The following SERPINF1 variants were observed in gnomAD, a reference collection of about 807,000 sequenced individuals.
The protein encoded by SERPINF1 is serpin family F member 1.
In SERPINF1, 29 loss-of-function variants were observed where a neutral mutation model predicts 37.3. The ratio of observed to expected loss-of-function variants is 0.78; its 90% CI spans 0.58 to 1.06. The LOEUF is 1.06. Ranked by LOEUF, SERPINF1 falls within the 50% of genes least tolerant of loss-of-function variation. SERPINF1 has a pLI of 0.00. For synonymous variants in SERPINF1, 281 were observed against 227.9 expected, an observed-to-expected ratio of 1.23 and a Z score of -2.10; for missense variants, 553 against 532.2, an observed-to-expected ratio of 1.04 and a Z score of -0.38.
chr17:1,777,422 G>T lies in SERPINF1; in HGVS notation c.1233G>T (p.Lys411Asn). 1.2e-6 allele frequency: 2 copies of T among 1,614,166 alleles called. No individual in the cohort carries two copies. The highest frequency in any genetic ancestry group is 1.7e-6 in the Non-Finnish European group (2 of 1,180,044). The change falls in exon 8 of 8, where the codon AAG becomes AAT. Residue 411 changes from lysine (K) to asparagine (N), a missense_variant. Lys to Asn is a moderately conservative substitution (Grantham distance 94). Transcript: ENST00000254722. The stretch of plus-strand genomic sequence containing the variant: ...CAGGGGCCCTTCTCTTCATTGGCAA[G>T]ATTCTGGACCCCAGGGGCCCCTAAT... ...TDTGALLFIGKILDPRGP is the reference protein window; with the variant it reads ...TDTGALLFIGNILDPRGP
rs1220463655 is a variant in SERPINF1, at chr17:1,775,050, C to T, written c.644-8C>T. On this transcript the variant is annotated splice_polypyrimidine_tract_variant and splice_region_variant and intron_variant, in intron 5 of 7. Coordinates refer to ENST00000254722, the MANE Select transcript of SERPINF1 (RefSeq NM_002615.7). ...GGGGCTCAGACTATGTCATACACTT[C>T]TTTCCAGGGCAGTGGGTAACAAAGT... 3 of 1,614,014 alleles carry T rather than the reference C, an allele frequency of 1.9e-6. No homozygotes were observed. Among genetic ancestry groups the T allele is most frequent in the Non-Finnish European group, 2.5e-6 (3 of 1,180,026 alleles).
At chr17:1,771,596 G>C in intron 4 of SERPINF1, 1 of 504,166 alleles carries the variant, frequency 2.0e-6, no homozygotes, top group Non-Finnish European at 3.6e-6. Flanking sequence ...TGTGGAGGAA[G>C]GGCCCGTGAG....
rs140055545 is a variant in SERPINF1, at chr17:1,769,935, G to A, written c.168G>A (p.Ala56=). ...AAGTCCCCGTGAACAAGCTGGCAGC[G>A]GCTGTCTCCAACTTCGGCTATGACC... ...FFKVPVNKLA[A]AVSNFGYDLY... is the part of the protein sequence containing the mutation. Residue 56 remains alanine (A), a synonymous_variant, in exon 3 of 8, where the codon GCG becomes GCA. Coordinates refer to ENST00000254722, the MANE Select transcript of SERPINF1 (RefSeq NM_002615.7). 636 of 1,614,074 alleles carry A rather than the reference G, an allele frequency of 3.9e-4. No individual in the cohort carries two copies. Among genetic ancestry groups the A allele is most frequent in the Non-Finnish European group, 5.1e-4 (604 of 1,180,038 alleles).
intron 2 of SERPINF1, among the ~76,000 whole-genome samples, chr17:1,769,286 G>A (rs977982557): frequency 2.6e-5 from 4 of 151,952 alleles, no homozygotes; most frequent in African/African-American, 7.2e-5. Flanking sequence ...GTGGGCGCCT[G>A]TAGTCCCAGC....
intron 6 of SERPINF1, chr17:1,776,305 TAGGCCAAGGTAAGAA>T: frequency 1.7e-6 from 1 of 593,636 alleles, no homozygotes. Flanking sequence ...CAGTTGGTAT[TAGGCCAAGGTAAGAA>T]AGGCCAACAG....
At chr17:1,770,984 G>C in intron 3 of SERPINF1, 45 bp from the exon 4 acceptor site, 1 of 1,612,876 alleles carries the variant, frequency 6.2e-7, no homozygotes, top group Non-Finnish European at 8.5e-7. Context: ...TTGATTTGGG[G>C]CCCTGGTGTG....
chr17:1,762,656 G>T (rs1907153141), intron 1 of SERPINF1, among the ~76,000 whole-genome samples: 1 of 152,210 alleles, frequency 6.6e-6, no homozygotes, highest in Non-Finnish European at 1.5e-5. Context: ...CGGCGCCCTG[G>T]CTGAGGGCTG....
At position 1,777,517 on chromosome 17, in the gene SERPINF1, C is replaced by T; in HGVS notation, c.*71C>T. ...CAGCAGATTCCACAGGACACGAAGG[C>T]TGCCCCTGTAAGGTTTCAATGCATA... On this transcript the variant is annotated 3_prime_UTR_variant, in exon 8 of 8. Transcript: ENST00000254722. 1 of 1,597,766 alleles carries T rather than the reference C, an allele frequency of 6.3e-7. No homozygotes were observed. The highest frequency in any genetic ancestry group is 8.6e-7 in the Non-Finnish European group (1 of 1,166,838).
chr17:1,773,114 G>C (rs995152070), intron 5 of SERPINF1, among the ~76,000 whole-genome samples: 11 of 152,198 alleles, frequency 7.2e-5, no homozygotes, highest in African/African-American at 2.4e-4. Context: ...AAGCTTACCT[G>C]CTTGTCATCA....
rs902098621 is a variant in SERPINF1 at position 1,769,880 on chromosome 17, C to T, written c.113C>T (p.Ala38Val). The change falls in exon 3 of 8, where the codon GCG becomes GTG. Residue 38 changes from alanine (A) to valine (V), a missense_variant. Transcript: ENST00000254722. ...EGSPDPDSTGALVEEEDPFFK... is the reference protein window; with the variant it reads ...EGSPDPDSTGVLVEEEDPFFK... The stretch of plus-strand genomic sequence containing the variant: ...TCCCCAGACCCCGACAGCACAGGGG[C>T]GCTGGTGGAGGAGGAGGATCCTTTC... The T allele has an allele frequency of 2.4e-5, 39 of 1,614,074 alleles. No homozygotes were observed. The African/African-American group carries it at 2.8e-4, about 12-fold the overall frequency.
chr17:1,775,384 G>C (rs191892768), intron 6 of SERPINF1, among the ~76,000 whole-genome samples, 184 bp downstream of exon 6: 2 of 152,074 alleles, frequency 1.3e-5, no homozygotes, highest in African/African-American at 4.8e-5. Context: ...GCAGGGGATC[G>C]TTACCAACAC....
rs984167129 is a variant in SERPINF1 at position 1,769,626 on chromosome 17, A to AT, written c.85-225dup. The AT allele has an allele frequency of 1.2e-5, 7 of 583,938 alleles. No individual in the cohort carries two copies. In the African/African-American group the frequency reaches 1.3e-4, roughly 11 times the overall value. The allele number at this position is 583,938 out of a possible 1,614,324, so 36.2% of individuals were successfully genotyped here. A position where few individuals can be genotyped will look rare whatever the true frequency, so the allele number is the denominator to read the frequency against. On this transcript the variant is annotated intron_variant, in intron 2 of 7. Transcript: ENST00000254722. ...GTGACACAGTAAGACTCTGTCTCAA[A>AT]TAAAAAAAAAACAGCTGATCTCTCT...
intron 3 of SERPINF1, chr17:1,770,780 G>A (rs936724422): frequency 6.2e-6 from 3 of 482,026 alleles, no homozygotes; most frequent in African/African-American, 3.9e-5. Context: ...TAAGGGCTAT[G>A]ATGGGAGAAG....
At chr17:1,768,239 G>T (rs1447518464) in intron 2 of SERPINF1, among the ~76,000 whole-genome samples, 1 of 151,918 alleles carries the variant, frequency 6.6e-6, no homozygotes, top group Non-Finnish European at 1.5e-5. Context: ...AGACCATCCT[G>T]GCTAACATGG....
At chr17:1,774,292 T>G (rs919364168) in intron 5 of SERPINF1, among the ~76,000 whole-genome samples, 42 of 152,156 alleles carry the variant, frequency 2.8e-4, no homozygotes, top group Non-Finnish European at 4.7e-4. Context: ...GGCTCCCAGG[T>G]TCAAGTGATT....
chr17:1,770,922 G>C lies in SERPINF1; in HGVS notation c.284-107G>C, dbSNP rs1037660714. 6 of 1,381,364 alleles carry C rather than the reference G, an allele frequency of 4.3e-6. No homozygotes were observed. In the African/African-American group the frequency reaches 8.5e-5, roughly 20 times the overall value. 85.6% of individuals were successfully genotyped at this position (1,381,364 alleles called of 1,614,324 possible). On this transcript the variant is annotated intron_variant, in intron 3 of 7. Transcript: ENST00000254722. ...TTGTCTTGAAGATCAGCCTACTTGG[G>C]CTCTCAGCAGACAAAAAAGATGAGT...
In SERPINF1 at chr17:1,774,955, C is replaced by T. The variant is rs540096316; in HGVS notation, c.644-103C>T. ...TCAGAGCCCCTGACAGCTAAGCTCCCTTGAGTGGGGCAATTTTCAACAACG... is the reference window on the plus strand; with the variant it reads ...TCAGAGCCCCTGACAGCTAAGCTCCTTTGAGTGGGGCAATTTTCAACAACG... On this transcript the variant is annotated intron_variant, in intron 5 of 7. Transcript: ENST00000254722. The T allele has an allele frequency of 2.0e-5, 30 of 1,481,966 alleles. 1 individual carries two copies. In the South Asian group the frequency reaches 3.2e-4, roughly 16 times the overall value. 91.8% of individuals were successfully genotyped at this position (1,481,966 alleles called of 1,614,324 possible).
rs1218922899 is a variant in SERPINF1, at chr17:1,776,627, C to T, written c.882C>T (p.Thr294=). ...TGACCTTGATAGAGGAGAGCCTCAC[C>T]TCCGAGTTCATTCATGACATAGACC... The part of the protein sequence containing the change: ...QNLTLIEESL[T]SEFIHDIDRE... The change falls in exon 7 of 8, where the codon ACC becomes ACT. Residue 294 remains threonine, a synonymous_variant. Coordinates refer to ENST00000254722, the MANE Select transcript of SERPINF1 (RefSeq NM_002615.7). 14 of 1,613,966 alleles carry T rather than the reference C, an allele frequency of 8.7e-6. No individual in the cohort carries two copies. The highest frequency in any genetic ancestry group is 1.2e-5 in the Non-Finnish European group (14 of 1,180,042).
At chr17:1,767,115 C>G (rs1186247789) in intron 2 of SERPINF1, 121 bp downstream of exon 2, 9 of 804,302 alleles carry the variant, frequency 1.1e-5, no homozygotes, top group Non-Finnish European at 1.8e-5. Flanking sequence ...CTTTATTTCT[C>G]TAGGGCTGGA....
Sources: gnomAD v4.1 joint callset for allele counts (sites outside exome capture counted in the v4.1 genomes callset) on GRCh38, gnomAD v4.1.1 for gene constraint, MANE v1.5 for transcripts, NCBI Gene and HGNC (gene_info 2026-07-23, HGNC 2026-07-21) for gene names.